The following HERC2 variants were observed in gnomAD, a reference collection of about 807,000 sequenced individuals.
HERC2 encodes the protein E3 ubiquitin-protein ligase HERC2.
HERC2 carries 102 observed loss-of-function variants against 537.7 expected under a neutral mutation model. That is an observed-to-expected ratio of 0.19 (90% CI 0.16 to 0.22). The LOEUF (loss-of-function observed/expected upper bound fraction) is 0.22, where lower values mean the gene tolerates loss of function less well. Ranked by LOEUF, HERC2 falls within the 10% of genes least tolerant of loss-of-function variation. The probability of loss-of-function intolerance (pLI) is 1.00; values close to 1 mark genes in which losing one functional copy is unlikely to be tolerated. For missense variants in HERC2, 4,236 were observed against 6,198.2 expected (o/e 0.68, Z 10.63); for synonymous variants, 2,224 against 2,466.2 (o/e 0.90, Z 2.91).
chr15:28,174,679 T>C (rs1187214872), intron 64 of HERC2, 59 bp from the exon 65 acceptor site: 7 of 1,255,596 alleles, frequency 5.6e-6, no homozygotes, highest in African/African-American at 1.5e-5. Context: ...TTTTCTTTAA[T>C]GTAATTTTTA....
intron 23 of HERC2, among the ~76,000 whole-genome samples, chr15:28,245,484 T>C (rs1903566408): frequency 6.7e-6 from 1 of 149,948 alleles, no homozygotes; most frequent in Non-Finnish European, 1.5e-5. Flanking sequence ...GAGGCAGAGG[T>C]TGCAGTGAGC....
At chr15:28,124,013 G>C in intron 85 of HERC2, 24 bp downstream of exon 85, 3 of 1,550,980 alleles carry the variant, frequency 1.9e-6, no homozygotes, top group East Asian at 2.3e-5. Flanking sequence ...GTTTCCCCTA[G>C]AGCAAAGATT....
chr15:28,285,593 T>C (rs2076134761), intron 4 of HERC2, among the ~76,000 whole-genome samples: 2 of 150,440 alleles, frequency 1.3e-5, no homozygotes, highest in African/African-American at 4.9e-5. Context: ...TATTAGAAAC[T>C]TGGAAACAAA....
chr15:28,136,647 C>T (rs1056595214), intron 78 of HERC2, among the ~76,000 whole-genome samples: 119 of 152,332 alleles, frequency 7.8e-4, no homozygotes, highest in African/African-American at 2.6e-3. Context: ...GCCCATGTGC[C>T]AAATCAGGCC....
intron 70 of HERC2, among the ~76,000 whole-genome samples, chr15:28,152,427 C>T (rs1892554738): frequency 6.6e-6 from 1 of 152,190 alleles, no homozygotes. Flanking sequence ...TAGGTCTAGA[C>T]TTGGGTCATG....
At chr15:28,235,572 G>A (rs191758579) in intron 26 of HERC2, among the ~76,000 whole-genome samples, 3 of 152,276 alleles carry the variant, frequency 2.0e-5, no homozygotes, top group Admixed American at 6.5e-5. Context: ...AAAGCAGCAG[G>A]AGAGCCCTGC....
At chr15:28,132,334 C>A in intron 80 of HERC2, 73 bp from the exon 81 acceptor site, 1 of 1,369,828 alleles carries the variant, frequency 7.3e-7, no homozygotes, top group Non-Finnish European at 9.8e-7. Flanking sequence ...CTTCACAACA[C>A]TGCCATTCTT....
intron 64 of HERC2, among the ~76,000 whole-genome samples, chr15:28,174,942 C>T (rs998030666): frequency 1.3e-5 from 2 of 151,906 alleles, no homozygotes; most frequent in Admixed American, 6.6e-5. Context: ...TTTTATTTTG[C>T]AAAGAAAAAT....
intron 5 of HERC2, among the ~76,000 whole-genome samples, chr15:28,279,512 A>G (rs753891806): frequency 8.5e-5 from 13 of 152,050 alleles, no homozygotes; most frequent in Non-Finnish European, 1.6e-4. Context: ...ATGTCTTTAC[A>G]ATAATGACAC....
intron 52 of HERC2, among the ~76,000 whole-genome samples, chr15:28,195,482 T>C (rs1398722326): frequency 6.6e-6 from 1 of 152,098 alleles, no homozygotes; most frequent in Non-Finnish European, 1.5e-5. Context: ...AAGTGATATA[T>C]GCATACAGTG....
intron 17 of HERC2, 89 bp downstream of exon 17, chr15:28,256,971 TA>T: frequency 1.8e-6 from 2 of 1,106,668 alleles, no homozygotes; most frequent in Non-Finnish European, 2.7e-6. Context: ...CCGAACAGGC[TA>T]AAACCCATGC....
chr15:28,301,735 G>GTGTGTGTA (rs1468330361), intron 2 of HERC2, among the ~76,000 whole-genome samples: 2 of 35,380 alleles, frequency 5.7e-5, no homozygotes, highest in Non-Finnish European at 1.0e-4. Flanking sequence ...GTATGTATGT[G>GTGTGTGTA]TATATATATA....
chr15:28,202,920 G>A, intron 45 of HERC2: 1 of 57,730 alleles, frequency 1.7e-5, no homozygotes, highest in Non-Finnish European at 3.5e-5. Flanking sequence ...ACAGCCCCAA[G>A]CAAACAGTCA....
chr15:28,258,370 G>T (rs1266330278), intron 16 of HERC2, among the ~76,000 whole-genome samples: 1 of 152,156 alleles, frequency 6.6e-6, no homozygotes, highest in Non-Finnish European at 1.5e-5. Flanking sequence ...TAATCAGGAA[G>T]CTGAGGCAGG....
At chr15:28,258,441 C>T (rs143054068) in intron 16 of HERC2, among the ~76,000 whole-genome samples, 45 of 152,090 alleles carry the variant, frequency 3.0e-4, no homozygotes, top group African/African-American at 9.2e-4. Context: ...CATTGCACTC[C>T]GGCCTGGGCA....
At chr15:28,132,372 T>C (rs1475886551) in intron 80 of HERC2, 111 bp from the exon 81 acceptor site, 22 of 1,049,010 alleles carry the variant, frequency 2.1e-5, no homozygotes, top group Admixed American at 3.2e-5. Context: ...GTTTTAAGCC[T>C]TTACAAAGAG....
chr15:28,218,447 C>G, intron 38 of HERC2, 42 bp downstream of exon 38: 1 of 1,533,948 alleles, frequency 6.5e-7, no homozygotes, highest in Non-Finnish European at 8.8e-7. Context: ...GCGTGCGGCC[C>G]CCAGCGCTGA....
rs904179828 is a variant in HERC2, at chr15:28,295,690, G to A, written c.188-2668C>T. 5.6e-4 allele frequency among the ~76,000 whole-genome samples: 85 copies of A among 152,112 alleles called. 1 individual carries two copies. Among genetic ancestry groups the A allele is most frequent in the Non-Finnish European group, 1.8e-4 (12 of 68,022 alleles). On this transcript the variant is annotated intron_variant, in intron 3 of 92. Coordinates refer to ENST00000261609, the MANE Select transcript of HERC2 (RefSeq NM_004667.6). ...TGGGATTACAGGTGTGAGCCACCAC[G>A]CCCGGCCACCGTATTTTATAGTTTT...
intron 2 of HERC2, among the ~76,000 whole-genome samples, chr15:28,308,912 C>T (rs200331656): frequency 1.3e-5 from 2 of 152,192 alleles, no homozygotes; most frequent in Non-Finnish European, 2.9e-5. Context: ...TCACAATGAA[C>T]GATCTTTCTA....
Sources: gnomAD v4.1 joint callset for allele counts (sites outside exome capture counted in the v4.1 genomes callset) on GRCh38, gnomAD v4.1.1 for gene constraint, MANE v1.5 for transcripts, NCBI Gene and HGNC (gene_info 2026-07-23, HGNC 2026-07-21) for gene names.